The following DEPDC1B variants were observed in gnomAD, a reference collection of about 807,000 sequenced individuals.
The protein encoded by DEPDC1B is DEP domain containing 1B, also known as DEP domain-containing protein 1B.
A neutral mutation model predicts 66.5 loss-of-function variants in DEPDC1B; 51 were observed. The ratio of observed to expected loss-of-function variants is 0.77; its 90% CI spans 0.61 to 0.97. The LOEUF is 0.97. Among genes scored for constraint, DEPDC1B ranks in the 50% least tolerant of loss-of-function variants. The probability of loss-of-function intolerance (pLI) is 0.00; values close to 1 mark genes in which losing one functional copy is unlikely to be tolerated. For synonymous variants in DEPDC1B, 226 were observed against 223.6 expected, an observed-to-expected ratio of 1.01 and a Z score of -0.10; for missense variants, 552 against 637.1, an observed-to-expected ratio of 0.87 and a Z score of 1.44.
At position 60,597,860 on chromosome 5, in the gene DEPDC1B, C is replaced by T. The variant is rs369283471; in HGVS notation, c.1483G>A (p.Ala495Thr). Residue 495 changes from alanine to threonine, a missense_variant, in exon 11 of 11, where the codon GCA (alanine) becomes ACA (threonine). Ala to Thr is a moderately conservative substitution (Grantham distance 58, BLOSUM62 0). Coordinates refer to ENST00000265036, the MANE Select transcript of DEPDC1B (RefSeq NM_018369.3). ...GGTTTTTCAGGAAACAGAAGTGCTGCACTTTCTGGTGTAGGAAATCGTTCT... is the reference window on the plus strand; with the variant it reads ...GGTTTTTCAGGAAACAGAAGTGCTGTACTTTCTGGTGTAGGAAATCGTTCT... ...YQERFPTPES[A>T]ALLFPEKPKP... The T allele has an allele frequency of 3.7e-6, 6 of 1,612,984 alleles. No homozygotes were observed. Among genetic ancestry groups the T allele is most frequent in the East Asian group, 2.2e-5 (1 of 44,854 alleles).
At chr5:60,695,182 G>A (rs1399266232) in intron 1 of DEPDC1B, among the ~76,000 whole-genome samples, 1 of 152,116 alleles carries the variant, frequency 6.6e-6, no homozygotes, top group Non-Finnish European at 1.5e-5. Context: ...TTGCGTTGCT[G>A]TAAAGAAATA....
At chr5:60,628,258 C>G (rs957666530) in intron 7 of DEPDC1B, 1 of 152,180 alleles carries the variant, frequency 6.6e-6, no homozygotes, top group Non-Finnish European at 1.5e-5. Flanking sequence ...CATCAGATTT[C>G]TATTTTCAAA....
At chr5:60,656,355 T>C (rs1257005083) in intron 2 of DEPDC1B, among the ~76,000 whole-genome samples, 1 of 151,812 alleles carries the variant, frequency 6.6e-6, no homozygotes, top group Non-Finnish European at 1.5e-5. Flanking sequence ...AGAGACGGGG[T>C]TTCACTGTGG....
At chr5:60,657,549 A>C (rs1753606446) in intron 2 of DEPDC1B, among the ~76,000 whole-genome samples, 1 of 152,142 alleles carries the variant, frequency 6.6e-6, no homozygotes, top group Admixed American at 6.5e-5. Context: ...TTTGTTTATG[A>C]AGCTTAGTTT....
intron 2 of DEPDC1B, among the ~76,000 whole-genome samples, chr5:60,675,190 G>A (rs1041728116): frequency 1.3e-5 from 2 of 152,118 alleles, no homozygotes; most frequent in Non-Finnish European, 2.9e-5. Context: ...AGGGCACAGG[G>A]CCCTGCCTCC....
intron 2 of DEPDC1B, among the ~76,000 whole-genome samples, chr5:60,669,398 CAAAAACA>C (rs1227249831): frequency 1.3e-5 from 2 of 151,972 alleles, no homozygotes; most frequent in African/African-American, 4.8e-5. Context: ...ACTTTGTACC[CAAAAACA>C]AAAAGCAAAC....
chr5:60,613,089 T>G (rs1752457119), intron 7 of DEPDC1B, among the ~76,000 whole-genome samples: 1 of 152,210 alleles, frequency 6.6e-6, no homozygotes, highest in Non-Finnish European at 1.5e-5. Context: ...TTTCTCTAAA[T>G]CGATTTGAAG....
At chr5:60,604,241 T>TTTTTTTTTA (rs1554050497) in intron 8 of DEPDC1B, among the ~76,000 whole-genome samples, 4 of 143,126 alleles carry the variant, frequency 2.8e-5, no homozygotes, top group African/African-American at 1.1e-4. Context: ...TTTTTTTTTT[T>TTTTTTTTTA]ACGGAGTCTC....
chr5:60,644,725 A>G lies in DEPDC1B; in HGVS notation c.709+20T>C, dbSNP rs1216169859. ...AATATATTATGTCAATAAGTAACAA[A>G]ATTATATTTATGCACTTACTTGACT... On this transcript the variant is annotated intron_variant, in intron 5 of 10. Coordinates refer to ENST00000265036, the MANE Select transcript of DEPDC1B (RefSeq NM_018369.3). 1 of 1,574,608 alleles carries G rather than the reference A, an allele frequency of 6.4e-7. No homozygotes were observed. The highest frequency in any genetic ancestry group is 1.4e-5 in the African/African-American group (1 of 72,968).
intron 2 of DEPDC1B, among the ~76,000 whole-genome samples, chr5:60,660,883 CT>C (rs1265860674): frequency 1.3e-5 from 2 of 152,192 alleles, no homozygotes; most frequent in Non-Finnish European, 2.9e-5. Context: ...CAGATGGTTC[CT>C]CCCAGGTGAT....
At chr5:60,645,428 TGAA>T in intron 4 of DEPDC1B, 61 bp downstream of exon 4, 1 of 1,439,586 alleles carries the variant, frequency 6.9e-7, no homozygotes, top group South Asian at 1.5e-5. Flanking sequence ...ATGCAGAGAG[TGAA>T]GAAGTAGCAA....
chr5:60,680,106 A>G (rs138731473), intron 2 of DEPDC1B, among the ~76,000 whole-genome samples: 357 of 152,330 alleles, frequency 2.3e-3, no homozygotes, highest in South Asian at 3.9e-3. Context: ...ATAAACATAT[A>G]AAGTAGTATA....
intron 2 of DEPDC1B, among the ~76,000 whole-genome samples, chr5:60,677,324 ACACTCTCTCTCT>A (rs1754187609): frequency 1.3e-5 from 1 of 78,794 alleles, no homozygotes; most frequent in Admixed American, 1.1e-4. Context: ...ACACACACAC[ACACTCTCTCTCT>A]CTCTCTCTCT....
At chr5:60,632,512 G>C (rs892908441) in intron 7 of DEPDC1B, among the ~76,000 whole-genome samples, 7 of 152,228 alleles carry the variant, frequency 4.6e-5, no homozygotes, top group African/African-American at 1.7e-4. Flanking sequence ...ACGGAACTTT[G>C]CCCAGAATAT....
At position 60,694,241 on chromosome 5, in the gene DEPDC1B, A is replaced by C. The variant is rs1214274456; in HGVS notation, c.48+5805T>G. On this transcript the variant is annotated intron_variant, in intron 1 of 10. Transcript: ENST00000265036. ...TAAAAAATGAGATCAATCATGTTGT[A>C]TATGTTATCCTAAAACACGCTTTTG... Among the ~76,000 whole-genome samples, 6 of 152,240 alleles carry C rather than the reference A, an allele frequency of 3.9e-5. No homozygotes were observed. In the South Asian group the frequency reaches 1.2e-3, roughly 32 times the overall value.
intron 2 of DEPDC1B, among the ~76,000 whole-genome samples, chr5:60,684,960 G>A (rs917567781): frequency 6.6e-6 from 1 of 152,130 alleles, no homozygotes; most frequent in African/African-American, 2.4e-5. Flanking sequence ...TGGCTGATAA[G>A]TATGTCAAAA....
At chr5:60,694,260 G>T (rs567879898) in intron 1 of DEPDC1B, among the ~76,000 whole-genome samples, 1 of 152,008 alleles carries the variant, frequency 6.6e-6, no homozygotes, top group East Asian at 1.9e-4. Flanking sequence ...CCTAAAACAC[G>T]CTTTTGCACC....
intron 7 of DEPDC1B, among the ~76,000 whole-genome samples, chr5:60,611,332 C>G (rs1431669788): frequency 6.6e-6 from 1 of 152,192 alleles, no homozygotes; most frequent in African/African-American, 2.4e-5. Flanking sequence ...CTCTCCCTCC[C>G]TTTGGGCCTC....
At chr5:60,667,664 TAATG>T (rs1753886697) in intron 2 of DEPDC1B, among the ~76,000 whole-genome samples, 1 of 132,650 alleles carries the variant, frequency 7.5e-6, no homozygotes, top group South Asian at 2.5e-4. Flanking sequence ...TACATGTATA[TAATG>T]GATATTTTAC....
Sources: gnomAD v4.1 joint callset for allele counts (sites outside exome capture counted in the v4.1 genomes callset) on GRCh38, gnomAD v4.1.1 for gene constraint, MANE v1.5 for transcripts, NCBI Gene and HGNC (gene_info 2026-07-23, HGNC 2026-07-21) for gene names.